The following ECE1 variants were observed in gnomAD, a reference collection of about 807,000 sequenced individuals.
ECE1 encodes endothelin-converting enzyme 1.
ECE1 carries 35 observed loss-of-function variants against 98.6 expected under a neutral mutation model. The ratio of observed to expected loss-of-function variants is 0.35; its 90% confidence interval spans 0.27 to 0.47. The LOEUF is 0.47. Ranked by LOEUF, ECE1 falls within the 20% of genes least tolerant of loss-of-function variation. The pLI is 1.00. For missense variants in ECE1, 814 were observed against 1,025.3 expected (o/e 0.79, Z 2.81); for synonymous variants, 394 against 407.1 (o/e 0.97, Z 0.39).
intron 1 of ECE1, among the ~76,000 whole-genome samples, chr1:21,301,299 C>G (rs1226849744): frequency 6.6e-6 from 1 of 151,826 alleles, no homozygotes; most frequent in African/African-American, 2.4e-5. Context: ...TAGAGACCAT[C>G]CTGGCTAACA....
At chr1:21,267,595 T>C (rs927065237) in intron 4 of ECE1, among the ~76,000 whole-genome samples, 1 of 152,234 alleles carries the variant, frequency 6.6e-6, no homozygotes, top group South Asian at 2.1e-4. Flanking sequence ...CAATTCAGGA[T>C]GAGATTTGGG....
At chr1:21,244,918 T>G (rs535814749) in intron 10 of ECE1, 71 bp downstream of exon 10, 1 of 1,447,492 alleles carries the variant, frequency 6.9e-7, no homozygotes, top group African/African-American at 1.4e-5. Flanking sequence ...TCCCTTCCTG[T>G]GCTCCCATAG....
intron 1 of ECE1, among the ~76,000 whole-genome samples, chr1:21,328,285 C>A (rs991867285): frequency 6.6e-6 from 1 of 152,222 alleles, no homozygotes; most frequent in Non-Finnish European, 1.5e-5. Context: ...GCTCCTCTGA[C>A]ATAAACTCCC....
intron 1 of ECE1, among the ~76,000 whole-genome samples, chr1:21,309,952 C>T (rs1002941668): frequency 4.6e-5 from 7 of 152,048 alleles, no homozygotes; most frequent in Non-Finnish European, 8.8e-5. Context: ...CCACCACACC[C>T]GGCTATTTCT....
chr1:21,315,153 T>C (rs577080400), intron 1 of ECE1, among the ~76,000 whole-genome samples: 34 of 152,316 alleles, frequency 2.2e-4, no homozygotes, highest in Non-Finnish European at 4.3e-4. Context: ...ATTTAACAGA[T>C]GGGGGTGATA....
At chr1:21,292,612 G>T (rs940828278), upstream of ECE1, among the ~76,000 whole-genome samples, 2 of 152,130 alleles carry the variant, frequency 1.3e-5, no homozygotes, top group African/African-American at 2.4e-5. Flanking sequence ...GCTTTACTGG[G>T]GCTGGGACCT....
Position 21,307,655 on chromosome 1 carries a change from T to A in ECE1, c.4-17499A>T, listed in dbSNP as rs1358523671. ...TGGGTCTGGGGCTGGGGCTTCTTTG[T>A]ACCTCTGAGGTACAAAGTGGAAGCT... On this transcript the variant is annotated intron_variant, in intron 1 of 18. Transcript: ENST00000415912. The surrounding 1 kb of genome is among the most constrained non-coding windows in gnomAD (Gnocchi z 4.2). Among the ~76,000 whole-genome samples, 1 of 152,192 alleles carries A rather than the reference T, an allele frequency of 6.6e-6. No homozygotes were observed.
chr1:21,221,925 C>T (rs1469030311), intron 17 of ECE1, 83 bp from the exon 18 acceptor site: 2 of 1,262,366 alleles, frequency 1.6e-6, no homozygotes, highest in Non-Finnish European at 2.3e-6. Flanking sequence ...TCAGGGAGCT[C>T]CCCCGTGTTG....
intron 1 of ECE1, among the ~76,000 whole-genome samples, chr1:21,332,740 G>T (rs1459460068): frequency 2.0e-5 from 1 of 49,578 alleles, no homozygotes; most frequent in Non-Finnish European, 4.3e-5. Context: ...GGGAGGGGAG[G>T]GGAGGGGAGG....
At chr1:21,323,034 A>G (rs1227862854) in intron 1 of ECE1, among the ~76,000 whole-genome samples, 1 of 152,104 alleles carries the variant, frequency 6.6e-6, no homozygotes, top group Non-Finnish European at 1.5e-5. Context: ...ACACAGCTAA[A>G]AGCTGTGAAA....
In ECE1 at chr1:21,286,474, T is replaced by A. The variant is rs553972751; in HGVS notation, c.138+3596A>T. Among the ~76,000 whole-genome samples the A allele has an allele frequency of 2.1e-3, 316 of 152,286 alleles. 1 individual carries two copies. Among genetic ancestry groups the A allele is most frequent in the Middle Eastern group, 3.4e-3 (1 of 294 alleles). On this transcript the variant is annotated intron_variant, in intron 2 of 18. Transcript: ENST00000374893. ...GGTGGGCTAATAATATTAACCCCATTTTACAAAGAAAGCTGTGGAAGTGAG... is the reference window on the plus strand; with the variant it reads ...GGTGGGCTAATAATATTAACCCCATATTACAAAGAAAGCTGTGGAAGTGAG...
chr1:21,313,787 G>C (rs968938100), intron 1 of ECE1, among the ~76,000 whole-genome samples: 18 of 152,312 alleles, frequency 1.2e-4, no homozygotes, highest in African/African-American at 4.3e-4. Context: ...GCTATGGTGG[G>C]AATTAAGGCG....
intron 8 of ECE1, among the ~76,000 whole-genome samples, chr1:21,254,757 T>C (rs1430396165): frequency 6.6e-6 from 1 of 152,170 alleles, no homozygotes; most frequent in Non-Finnish European, 1.5e-5. Flanking sequence ...CAGCAGCTGT[T>C]GATCTCCATC....
chr1:21,249,074 A>C (rs2098208308), intron 8 of ECE1, among the ~76,000 whole-genome samples: 1 of 151,926 alleles, frequency 6.6e-6, no homozygotes, highest in African/African-American at 2.4e-5. Flanking sequence ...AAAGTTGCGC[A>C]ACTTAAAAAA....
At chr1:21,331,717 A>G (rs1369403751) in intron 1 of ECE1, among the ~76,000 whole-genome samples, 1 of 152,212 alleles carries the variant, frequency 6.6e-6, no homozygotes, top group Non-Finnish European at 1.5e-5. Flanking sequence ...CCCACCTACA[A>G]AACAGGAATA....
chr1:21,342,889 C>CGGTCAACA (rs1639429372), intron 1 of ECE1, among the ~76,000 whole-genome samples: 1 of 152,168 alleles, frequency 6.6e-6, no homozygotes, highest in Admixed American at 6.5e-5. Flanking sequence ...CATGCACCGC[C>CGGTCAACA]GGTCAACAAT....
intron 1 of ECE1, among the ~76,000 whole-genome samples, chr1:21,328,764 G>GAAAAAA (rs35883969): frequency 8.0e-5 from 4 of 50,226 alleles, no homozygotes; most frequent in Non-Finnish European, 3.9e-5. Flanking sequence ...CCTCCATCTC[G>GAAAAAA]AAAAAAAAAA....
In ECE1 at chr1:21,272,824, T is replaced by C. The variant is rs1273318797; in HGVS notation, c.368A>G (p.His123Arg). Residue 123 changes from histidine (H) to arginine (R), a missense_variant, in exon 4 of 19, where the codon CAT becomes CGT. Physicochemically the swap from His to Arg is conservative, Grantham distance 29 (BLOSUM62 0). This residue lies in a region of ECE1 where 257 missense variants were observed against 278.9 expected (regional missense o/e 0.92). Coordinates refer to ENST00000374893, the MANE Select transcript of ECE1 (RefSeq NM_001397.3). ...SSMDPTVDPCHDFFSYACGGW... is the reference protein window; with the variant it reads ...SSMDPTVDPCRDFFSYACGGW... ...CCCACAGGCGTAGCTGAAGAAGTCA[T>C]GGCAGGGGTCCACTGTGGGGTCCAT... The C allele has an allele frequency of 8.1e-6, 13 of 1,614,112 alleles. No homozygotes were observed. In the African/African-American group the frequency reaches 9.3e-5, roughly 12 times the overall value.
chr1:21,332,207 G>A (rs1269477266), intron 1 of ECE1, among the ~76,000 whole-genome samples: 2 of 152,050 alleles, frequency 1.3e-5, no homozygotes, highest in East Asian at 1.9e-4. Flanking sequence ...TGCTTCACTG[G>A]GAAGGCAACT....
Sources: gnomAD v4.1 joint callset for allele counts (sites outside exome capture counted in the v4.1 genomes callset) on GRCh38, gnomAD v4.1.1 for gene constraint, gnomAD v4.1.1 regional missense constraint, Gnocchi (gnomAD v3.1) non-coding constraint, MANE v1.5 for transcripts, NCBI Gene and HGNC (gene_info 2026-07-23, HGNC 2026-07-21) for gene names.